IGSF21: variants seen among roughly 807,000 people sequenced by gnomAD.
IGSF21 encodes the protein immunoglobin superfamily member 21, also known as immunoglobulin superfamily member 21.
Under a neutral mutation model 46.8 loss-of-function variants are expected in IGSF21, and 28 were observed. The observed-to-expected ratio is 0.60, with a 90% CI of 0.44 to 0.82. The LOEUF is 0.82. IGSF21 is among the 40% of genes least tolerant of loss of function. The pLI is 0.00. For missense variants in IGSF21, 624 were observed against 665.5 expected (o/e 0.94, Z 0.69); for synonymous variants, 284 against 273.6 (o/e 1.04, Z -0.38).
intron 2 of IGSF21, among the ~76,000 whole-genome samples, chr1:18,250,689 T>A (rs925168411): frequency 6.6e-6 from 1 of 152,152 alleles, no homozygotes; most frequent in African/African-American, 2.4e-5. Context: ...CAGTTTCCTC[T>A]TGTGCTAAGT....
chr1:18,265,301 C>G (rs978568780), intron 2 of IGSF21, among the ~76,000 whole-genome samples: 47 of 152,170 alleles, frequency 3.1e-4, no homozygotes, highest in African/African-American at 1.1e-3. Context: ...ATATATTGAA[C>G]AAGCCCCATA....
intron 3 of IGSF21, among the ~76,000 whole-genome samples, chr1:18,325,445 C>G (rs746900164): frequency 6.6e-6 from 1 of 152,024 alleles, no homozygotes; most frequent in African/African-American, 2.4e-5. Flanking sequence ...AGTCTTCGAG[C>G]GGGCTTGTCT....
At chr1:18,134,618 A>G (rs1294128642) in intron 1 of IGSF21, among the ~76,000 whole-genome samples, 7 of 152,098 alleles carry the variant, frequency 4.6e-5, no homozygotes, top group Non-Finnish European at 1.5e-5. Flanking sequence ...GTGGATGCAC[A>G]TGGGCATTGG....
chr1:18,174,937 TG>T (rs2086780871), intron 1 of IGSF21, among the ~76,000 whole-genome samples: 1 of 152,242 alleles, frequency 6.6e-6, no homozygotes, highest in Non-Finnish European at 1.5e-5. Flanking sequence ...TCTGGGGCCC[TG>T]GGCTGGCTGC....
At position 18,290,953 on chromosome 1, in the gene IGSF21, C is replaced by T. The variant is rs1440569415; in HGVS notation, c.184-913C>T. On this transcript the variant is annotated intron_variant, in intron 2 of 9. Transcript: ENST00000251296. This position sits in a 1 kb window ranked among gnomAD's most constrained non-coding sequence, Gnocchi z 4.2. ...GTTAGCGCAGAGCCCAGCTGAGCTG[C>T]GAGAGGCTGCAAGCTCCCAGTCTAT... Among the ~76,000 whole-genome samples, 2 of 152,162 alleles carry T rather than the reference C, an allele frequency of 1.3e-5. No homozygotes were observed. Among genetic ancestry groups the T allele is most frequent in the South Asian group, 2.1e-4 (1 of 4,830 alleles).
intron 3 of IGSF21, among the ~76,000 whole-genome samples, chr1:18,321,715 C>A: frequency 6.6e-6 from 1 of 152,176 alleles, no homozygotes; most frequent in East Asian, 1.9e-4. Flanking sequence ...TAATCGCCTC[C>A]CAAAAGCCCC....
intron 6 of IGSF21, among the ~76,000 whole-genome samples, chr1:18,370,431 C>T (rs895929612): frequency 3.3e-5 from 5 of 152,116 alleles, no homozygotes; most frequent in Non-Finnish European, 7.3e-5. Context: ...ACCCCTGCCT[C>T]GCACACACAC....
chr1:18,348,897 C>T (rs2085922502), intron 4 of IGSF21, among the ~76,000 whole-genome samples: 1 of 152,150 alleles, frequency 6.6e-6, no homozygotes, highest in African/African-American at 2.4e-5. Context: ...ATATGAGAAG[C>T]TCATGTGCTG....
At chr1:18,300,754 C>T (rs553072355) in intron 3 of IGSF21, among the ~76,000 whole-genome samples, 8 of 152,248 alleles carry the variant, frequency 5.3e-5, no homozygotes, top group South Asian at 4.1e-4. Flanking sequence ...ATAGAGTGTG[C>T]GCATGCTTTC....
At chr1:18,199,065 C>T (rs1484938298) in intron 1 of IGSF21, among the ~76,000 whole-genome samples, 3 of 151,930 alleles carry the variant, frequency 2.0e-5, no homozygotes, top group South Asian at 2.1e-4. Flanking sequence ...CTTTGGTGCC[C>T]GTAAATGGGT....
chr1:18,266,334 T>G (rs1303218188), intron 2 of IGSF21, among the ~76,000 whole-genome samples: 1 of 152,220 alleles, frequency 6.6e-6, no homozygotes, highest in Admixed American at 6.5e-5. Context: ...CCCAAATTCT[T>G]GACCATATGT....
chr1:18,131,285 C>G (rs1481265842), intron 1 of IGSF21, among the ~76,000 whole-genome samples: 1 of 152,070 alleles, frequency 6.6e-6, no homozygotes, highest in African/African-American at 2.4e-5. Flanking sequence ...GCTTCTGAAC[C>G]CAGAGGTTGA....
intron 1 of IGSF21, among the ~76,000 whole-genome samples, chr1:18,163,601 T>A (rs956667729): frequency 1.3e-5 from 2 of 152,186 alleles, no homozygotes; most frequent in Non-Finnish European, 2.9e-5. Context: ...ACAAGGCTCC[T>A]GAGATAAGCC....
In IGSF21 at chr1:18,161,324, A is replaced by G. The variant is rs1259137196; in HGVS notation, c.70+53126A>G. On this transcript the variant is annotated intron_variant, in intron 1 of 9. Transcript: ENST00000251296. ...CACTATTACCATCCCCATGCCGCAGAGGAGCAAGCAGAGGTGGCTTGCGGG... is the reference window on the plus strand; with the variant it reads ...CACTATTACCATCCCCATGCCGCAGGGGAGCAAGCAGAGGTGGCTTGCGGG... Among the ~76,000 whole-genome samples the G allele has an allele frequency of 2.6e-5, 4 of 152,096 alleles. No homozygotes were observed. The South Asian group carries it at 6.2e-4, about 24-fold the overall frequency.
chr1:18,334,161 G>A lies in IGSF21; in HGVS notation c.306-731G>A, dbSNP rs2085741967. 6.6e-6 allele frequency among the ~76,000 whole-genome samples: 1 copy of A among 152,170 alleles called. No homozygotes were observed. The highest frequency in any genetic ancestry group is 1.5e-5 in the Non-Finnish European group (1 of 68,032). On this transcript the variant is annotated intron_variant, in intron 3 of 9. Coordinates refer to ENST00000251296, the MANE Select transcript of IGSF21 (RefSeq NM_032880.5). The surrounding 1 kb of genome is among the most constrained non-coding windows in gnomAD (Gnocchi z 4.3). ...CCCATCCTTAGGGATCACCTCTTCTGAGACACCCTCCCAACTACCTCAGAG... is the reference window on the plus strand; with the variant it reads ...CCCATCCTTAGGGATCACCTCTTCTAAGACACCCTCCCAACTACCTCAGAG...
intron 4 of IGSF21, among the ~76,000 whole-genome samples, chr1:18,339,961 C>A (rs1459895166): frequency 6.6e-6 from 1 of 152,206 alleles, no homozygotes; most frequent in Non-Finnish European, 1.5e-5. Context: ...TCCAGCAGAC[C>A]TGGGTCCAAA....
intron 2 of IGSF21, among the ~76,000 whole-genome samples, chr1:18,237,226 G>T (rs1373751702): frequency 6.6e-6 from 1 of 152,102 alleles, no homozygotes; most frequent in Non-Finnish European, 1.5e-5. Context: ...AAATGCATTT[G>T]GTATTTGAAA....
intron 3 of IGSF21, among the ~76,000 whole-genome samples, chr1:18,294,258 A>G (rs560705718): frequency 3.3e-5 from 5 of 152,180 alleles, no homozygotes; most frequent in Admixed American, 6.5e-5. Context: ...GATGGCGTGC[A>G]TTCAAGTGAA....
intron 2 of IGSF21, among the ~76,000 whole-genome samples, chr1:18,255,582 G>C: frequency 6.6e-6 from 1 of 151,874 alleles, no homozygotes; most frequent in Non-Finnish European, 1.5e-5. Flanking sequence ...GTTCATCTCT[G>C]TTCTAAATCA....
Sources: gnomAD v4.1 joint callset for allele counts (sites outside exome capture counted in the v4.1 genomes callset) on GRCh38, gnomAD v4.1.1 for gene constraint, Gnocchi (gnomAD v3.1) non-coding constraint, MANE v1.5 for transcripts, NCBI Gene and HGNC (gene_info 2026-07-23, HGNC 2026-07-21) for gene names.